The following FNDC3B variants were observed in gnomAD, a reference collection of about 807,000 sequenced individuals.
FNDC3B encodes the protein fibronectin type III domain containing 3B.
FNDC3B carries 12 observed loss-of-function variants against 151.5 expected under a neutral mutation model. That is an observed-to-expected ratio of 0.08 (90% CI 0.05 to 0.13). The LOEUF (loss-of-function observed/expected upper bound fraction) is 0.13, where lower values mean the gene tolerates loss of function less well. Among genes scored for constraint, FNDC3B ranks in the 10% least tolerant of loss-of-function variants. The probability of loss-of-function intolerance (pLI) is 1.00; values close to 1 mark genes in which losing one functional copy is unlikely to be tolerated. For synonymous variants in FNDC3B, 528 were observed against 549.0 expected, an observed-to-expected ratio of 0.96 and a Z score of 0.54; for missense variants, 1,214 against 1,505.3, an observed-to-expected ratio of 0.81 and a Z score of 3.20.
At chr3:172,306,765 A>G (rs967188984) in intron 9 of FNDC3B, among the ~76,000 whole-genome samples, 3 of 152,212 alleles carry the variant, frequency 2.0e-5, no homozygotes, top group Admixed American at 6.5e-5. Flanking sequence ...GGCTTCATGT[A>G]TAAGAGTTAA....
intron 1 of FNDC3B, among the ~76,000 whole-genome samples, chr3:172,086,974 G>A (rs1718577062): frequency 6.6e-6 from 1 of 152,212 alleles, no homozygotes; most frequent in African/African-American, 2.4e-5. Context: ...GACACCACAG[G>A]TGGTGAGTTC....
chr3:172,238,698 A>G (rs546792253), intron 4 of FNDC3B, among the ~76,000 whole-genome samples: 2 of 152,220 alleles, frequency 1.3e-5, no homozygotes, highest in East Asian at 1.9e-4. Flanking sequence ...CCTTTTTTAT[A>G]TTATCTACCA....
intron 1 of FNDC3B, among the ~76,000 whole-genome samples, chr3:172,083,417 T>C (rs1718380414): frequency 6.6e-6 from 1 of 152,226 alleles, no homozygotes; most frequent in South Asian, 2.1e-4. Context: ...TAGCATGCAG[T>C]AAATGAACTT....
At chr3:172,239,853 GTTCTTTTTTTTT>G (rs1260824810) in intron 4 of FNDC3B, among the ~76,000 whole-genome samples, 17 of 65,878 alleles carry the variant, frequency 2.6e-4, no homozygotes, top group African/African-American at 9.6e-4. Flanking sequence ...ATCCATTTTA[GTTCTTTTTTTTT>G]TTTTTTTTTT....
chr3:172,241,103 G>C (rs778700004), intron 4 of FNDC3B, among the ~76,000 whole-genome samples: 1 of 152,152 alleles, frequency 6.6e-6, no homozygotes, highest in Non-Finnish European at 1.5e-5. Context: ...AGATGGCTCA[G>C]TGTTTGTTCA....
chr3:172,225,555 C>T (rs181540400), intron 3 of FNDC3B: 5 of 170,026 alleles, frequency 2.9e-5, no homozygotes, highest in Admixed American at 2.4e-4. Context: ...TAATGAAGGC[C>T]ACTCATTTTG....
chr3:172,158,563 C>CT (rs1353449023), intron 3 of FNDC3B, among the ~76,000 whole-genome samples: 16 of 151,920 alleles, frequency 1.1e-4, no homozygotes, highest in Non-Finnish European at 1.5e-5. Flanking sequence ...GACACAAGGC[C>CT]TTTTTTGGAT....
intron 2 of FNDC3B, among the ~76,000 whole-genome samples, chr3:172,115,713 A>T (rs1720214081): frequency 1.3e-5 from 2 of 152,100 alleles, no homozygotes; most frequent in Non-Finnish European, 2.9e-5. Context: ...ATCCTAAGGT[A>T]TGTGGCACCT....
At chr3:172,231,774 T>G (rs73167254) in intron 4 of FNDC3B, among the ~76,000 whole-genome samples, 1 of 152,240 alleles carries the variant, frequency 6.6e-6, no homozygotes, top group Non-Finnish European at 1.5e-5. Flanking sequence ...CCTGATGATT[T>G]TTATTGCTTT....
chr3:172,258,946 G>A (rs1728508262), intron 6 of FNDC3B, among the ~76,000 whole-genome samples: 2 of 152,112 alleles, frequency 1.3e-5, no homozygotes, highest in South Asian at 2.1e-4. Context: ...GAGGTGTTTT[G>A]GAAGGCTGGA....
chr3:172,238,281 A>G (rs1444101585), intron 4 of FNDC3B, among the ~76,000 whole-genome samples: 5 of 152,158 alleles, frequency 3.3e-5, no homozygotes, highest in African/African-American at 4.8e-5. Context: ...TCATCCTCCC[A>G]GGTAGCTGGG....
chr3:172,253,043 T>C lies in FNDC3B; in HGVS notation c.790+1502T>C, dbSNP rs183559748. 9.8e-5 allele frequency among the ~76,000 whole-genome samples: 15 copies of C among 152,338 alleles called. 1 individual carries two copies. In the East Asian group the frequency reaches 2.9e-3, roughly 29 times the overall value. ...AAAAAAAATTATGAATAGATTTTCC[T>C]GAAGAGAATTTTTATCCGAAGAAAA... On this transcript the variant is annotated intron_variant, in intron 6 of 25. Coordinates refer to ENST00000415807, the MANE Select transcript of FNDC3B (RefSeq NM_022763.4).
At chr3:172,374,269 G>T (rs1294414608) in intron 23 of FNDC3B, among the ~76,000 whole-genome samples, 1 of 152,156 alleles carries the variant, frequency 6.6e-6, no homozygotes, top group Non-Finnish European at 1.5e-5. Flanking sequence ...GATGTCCGTG[G>T]TCTCTCAGAA....
intron 12 of FNDC3B, 136 bp from the exon 13 acceptor site, chr3:172,330,405 A>G (rs1377977324): frequency 9.1e-6 from 6 of 660,990 alleles, no homozygotes; most frequent in Non-Finnish European, 1.5e-5. Flanking sequence ...AATATCACAC[A>G]CAGCATCCTT....
intron 6 of FNDC3B, among the ~76,000 whole-genome samples, chr3:172,272,723 T>G (rs1729259134): frequency 6.6e-6 from 1 of 152,210 alleles, no homozygotes; most frequent in African/African-American, 2.4e-5. Flanking sequence ...GTCTCTTTTC[T>G]CATTTCCTTT....
chr3:172,385,235 G>A (rs1376246138), intron 25 of FNDC3B, among the ~76,000 whole-genome samples: 2 of 152,206 alleles, frequency 1.3e-5, no homozygotes, highest in African/African-American at 2.4e-5. Flanking sequence ...AACAGGCTTT[G>A]AATTCATAGA....
rs550519618 is a variant in FNDC3B at position 172,247,761 on chromosome 3, A to G, written c.493A>G (p.Ile165Val). The change falls in exon 5 of 26, where the codon ATA becomes GTA. Residue 165 changes from isoleucine to valine, a missense_variant. This residue lies in a region of FNDC3B where 166 missense variants were observed against 173.2 expected (regional missense o/e 0.96). Coordinates refer to ENST00000415807, the MANE Select transcript of FNDC3B (RefSeq NM_022763.4). ...TCCCCAGCATCATCTTCCCCACACA[A>G]TATATGGTGAGCAAGGTGAGTAGAT... Reference protein sequence around the residue: ...FFPQHHLPHTIYGEQEIIPFY... With the variant: ...FFPQHHLPHTVYGEQEIIPFY... The G allele has an allele frequency of 1.5e-4, 237 of 1,614,070 alleles. 3 individuals carry two copies. The South Asian group carries it at 2.3e-3, about 16-fold the overall frequency.
At chr3:172,226,998 C>T (rs376434349) in intron 4 of FNDC3B, 51 bp downstream of exon 4, 146 of 1,213,168 alleles carry the variant, frequency 1.2e-4, no homozygotes, top group Admixed American at 4.5e-4. Context: ...GTCGTTGCTC[C>T]AACAGAATAT....
At chr3:172,048,460 G>A (rs1416538311) in intron 1 of FNDC3B, among the ~76,000 whole-genome samples, 3 of 152,072 alleles carry the variant, frequency 2.0e-5, no homozygotes, top group Non-Finnish European at 4.4e-5. Flanking sequence ...GTGAATTAGA[G>A]AATACTTAAA....
Sources: allele counts gnomAD v4.1 joint callset (sites outside exome capture counted in the v4.1 genomes callset), GRCh38; gene constraint gnomAD v4.1.1; regional missense constraint gnomAD v4.1.1; transcripts MANE v1.5; gene names NCBI Gene and HGNC (gene_info 2026-07-23, HGNC 2026-07-21).